The following MACROD2 variants were observed in gnomAD, a reference collection of about 807,000 sequenced individuals.
MACROD2 encodes ADP-ribose glycohydrolase MACROD2.
In MACROD2, 36 loss-of-function variants were observed where a neutral mutation model predicts 70.4. That is an observed-to-expected ratio of 0.51 (90% CI 0.39 to 0.68). MACROD2 has a LOEUF of 0.68. Among genes scored for constraint, MACROD2 ranks in the 30% least tolerant of loss-of-function variants. The probability of loss-of-function intolerance (pLI) is 0.00; values close to 1 mark genes in which losing one functional copy is unlikely to be tolerated. For synonymous variants in MACROD2, 172 were observed against 178.8 expected (o/e 0.96, Z 0.30); for missense variants, 496 against 538.4 (o/e 0.92, Z 0.78).
At chr20:14,809,714 A>G (rs1406883707) in intron 5 of MACROD2, among the ~76,000 whole-genome samples, 3 of 152,120 alleles carry the variant, frequency 2.0e-5, no homozygotes, top group African/African-American at 7.2e-5. Context: ...AAAAGAGAGA[A>G]GAATCAAATA....
At chr20:14,424,751 C>T (rs2083915545) in intron 3 of MACROD2, among the ~76,000 whole-genome samples, 1 of 152,152 alleles carries the variant, frequency 6.6e-6, no homozygotes, top group African/African-American at 2.4e-5. Flanking sequence ...ATCCCTGGAG[C>T]CCCAATCTAA....
chr20:14,253,822 C>T (rs1456325712), intron 3 of MACROD2, among the ~76,000 whole-genome samples: 1 of 152,116 alleles, frequency 6.6e-6, no homozygotes, highest in Non-Finnish European at 1.5e-5. Context: ...AATACTTTCC[C>T]TTCTTGTTTA....
chr20:14,837,262 TCTTTACAAAGACA>T (rs2073039954), intron 5 of MACROD2, among the ~76,000 whole-genome samples: 1 of 152,046 alleles, frequency 6.6e-6, no homozygotes, highest in South Asian at 2.1e-4. Flanking sequence ...TGAGTGAATA[TCTTTACAAAGACA>T]AACTTATCAT....
intron 3 of MACROD2, among the ~76,000 whole-genome samples, chr20:14,140,197 T>C (rs1208449762): frequency 6.6e-6 from 1 of 152,214 alleles, no homozygotes; most frequent in African/African-American, 2.4e-5. Flanking sequence ...TCATGCAAAG[T>C]GGTTTGTCAT....
chr20:14,420,006 G>A (rs1440572357), intron 3 of MACROD2, among the ~76,000 whole-genome samples: 1 of 151,896 alleles, frequency 6.6e-6, no homozygotes, highest in African/African-American at 2.4e-5. Flanking sequence ...GCACATTCTT[G>A]TGTGTATATC....
At chr20:14,951,247 C>A (rs2423872) in intron 5 of MACROD2, among the ~76,000 whole-genome samples, 9,041 of 152,000 alleles carry the variant, frequency 0.059, 598 homozygotes, top group African/African-American at 0.16. Flanking sequence ...ACTAGTGAAG[C>A]TGAGGAACAA....
At chr20:14,169,806 T>A (rs2081204777) in intron 3 of MACROD2, among the ~76,000 whole-genome samples, 1 of 152,180 alleles carries the variant, frequency 6.6e-6, no homozygotes, top group Middle Eastern at 3.2e-3. Context: ...CATTGTTGTC[T>A]GTAACATTCA....
At chr20:14,208,523 A>G (rs1252408992) in intron 3 of MACROD2, among the ~76,000 whole-genome samples, 1 of 152,214 alleles carries the variant, frequency 6.6e-6, no homozygotes, top group African/African-American at 2.4e-5. Flanking sequence ...AGAACAGATT[A>G]AAGCTGCACT....
intron 5 of MACROD2, among the ~76,000 whole-genome samples, chr20:14,766,844 T>C (rs2072096926): frequency 6.6e-6 from 1 of 152,154 alleles, no homozygotes; most frequent in African/African-American, 2.4e-5. Context: ...TGTGTTGTCA[T>C]ATACTCAAAA....
intron 4 of MACROD2, chr20:14,547,284 A>C: frequency 4.4e-5 from 17 of 383,934 alleles, no homozygotes; most frequent in Non-Finnish European, 7.2e-5. Context: ...TATAATCCTC[A>C]TGATAAATGT....
intron 8 of MACROD2, among the ~76,000 whole-genome samples, chr20:15,708,711 A>G (rs2050575971): frequency 7.2e-6 from 1 of 137,986 alleles, no homozygotes; most frequent in Non-Finnish European, 1.7e-5. Flanking sequence ...CATCTCTACA[A>G]ATAAAAAATA....
chr20:15,292,363 G>A (rs971619382), intron 6 of MACROD2, among the ~76,000 whole-genome samples: 1 of 152,178 alleles, frequency 6.6e-6, no homozygotes, highest in African/African-American at 2.4e-5. Context: ...TCCAGCATAT[G>A]ACCCAGTCTG....
intron 3 of MACROD2, among the ~76,000 whole-genome samples, chr20:14,453,374 A>G (rs2084265533): frequency 6.6e-6 from 1 of 152,030 alleles, no homozygotes; most frequent in Non-Finnish European, 1.5e-5. Context: ...ACAGCTTCAG[A>G]CTGTTTGGCT....
At chr20:15,456,754 T>TG (rs2046732226) in intron 7 of MACROD2, among the ~76,000 whole-genome samples, 3 of 152,168 alleles carry the variant, frequency 2.0e-5, no homozygotes, top group African/African-American at 7.2e-5. Flanking sequence ...TACCAATGCC[T>TG]GGGTCTTACC....
chr20:15,901,942 ATTC>A (rs1398979541), intron 10 of MACROD2, among the ~76,000 whole-genome samples: 2 of 152,170 alleles, frequency 1.3e-5, no homozygotes, highest in Non-Finnish European at 2.9e-5. Context: ...AGGCTGGGCT[ATTC>A]TTACTGCCTG....
At chr20:15,199,930 G>A (rs780148540) in intron 5 of MACROD2, among the ~76,000 whole-genome samples, 3 of 152,110 alleles carry the variant, frequency 2.0e-5, no homozygotes, top group South Asian at 2.1e-4. Flanking sequence ...TCAATAATGA[G>A]GCAGAAGTCA....
intron 5 of MACROD2, among the ~76,000 whole-genome samples, chr20:15,001,214 G>T (rs181191672): frequency 6.6e-6 from 1 of 152,100 alleles, no homozygotes; most frequent in Admixed American, 6.5e-5. Flanking sequence ...TGCAGCTGTC[G>T]GTGAGTAAAT....
At chr20:15,191,573 C>G (rs1443816947) in intron 5 of MACROD2, among the ~76,000 whole-genome samples, 1 of 152,166 alleles carries the variant, frequency 6.6e-6, no homozygotes, top group African/African-American at 2.4e-5. Context: ...ATAAGATGAT[C>G]AACACAAAAG....
chr20:15,427,532 A>G (rs954323579), intron 6 of MACROD2, among the ~76,000 whole-genome samples: 2 of 151,556 alleles, frequency 1.3e-5, no homozygotes, highest in African/African-American at 4.9e-5. Context: ...AGTGCCCTTA[A>G]TCAATACCTG....
Sources: allele counts gnomAD v4.1 joint callset (sites outside exome capture counted in the v4.1 genomes callset), GRCh38; gene constraint gnomAD v4.1.1; transcripts MANE v1.5; gene names NCBI Gene and HGNC (gene_info 2026-07-23, HGNC 2026-07-21).